The following FERMT2 variants were observed in gnomAD, a reference collection of about 807,000 sequenced individuals.
FERMT2 encodes FERM domain containing kindlin 2, also known as fermitin family homolog 2.
Under a neutral mutation model 82.7 loss-of-function variants are expected in FERMT2, and 15 were observed. The ratio of observed to expected loss-of-function variants is 0.18; its 90% CI spans 0.12 to 0.28. FERMT2 has a LOEUF of 0.28. FERMT2 is among the 10% of genes least tolerant of loss of function. The pLI is 1.00. For synonymous variants in FERMT2, 274 were observed against 271.5 expected (o/e 1.01, Z -0.09); for missense variants, 645 against 809.4 (o/e 0.80, Z 2.46).
chr14:52,868,959 G>A (rs949749732), intron 10 of FERMT2, among the ~76,000 whole-genome samples: 1 of 152,132 alleles, frequency 6.6e-6, no homozygotes, highest in East Asian at 1.9e-4. Flanking sequence ...TGGGAGCAGT[G>A]GGATGAAAAC....
intron 3 of FERMT2, among the ~76,000 whole-genome samples, chr14:52,913,963 A>T (rs760203756): frequency 6.6e-6 from 1 of 152,102 alleles, no homozygotes; most frequent in Non-Finnish European, 1.5e-5. Context: ...CAAGAACCAC[A>T]TAGGTAGGTT....
intron 12 of FERMT2, chr14:52,861,664 T>C (rs1202207669): frequency 6.6e-6 from 1 of 152,666 alleles, no homozygotes; most frequent in Non-Finnish European, 1.5e-5. Context: ...TTCGGCTTTA[T>C]GGCATTAGTC....
At chr14:52,873,909 T>C (rs977543367) in intron 9 of FERMT2, among the ~76,000 whole-genome samples, 2 of 149,026 alleles carry the variant, frequency 1.3e-5, no homozygotes, top group Admixed American at 1.3e-4. Flanking sequence ...TGTATTACTA[T>C]GTTTCAGCAT....
chr14:52,911,463 A>G (rs2139612961), intron 3 of FERMT2, among the ~76,000 whole-genome samples: 1 of 152,094 alleles, frequency 6.6e-6, no homozygotes, highest in African/African-American at 2.4e-5. Context: ...CATCCTGGCT[A>G]ACATGGTGAA....
At chr14:52,892,059 A>AT (rs1317102989) in intron 4 of FERMT2, among the ~76,000 whole-genome samples, 1 of 152,192 alleles carries the variant, frequency 6.6e-6, no homozygotes, top group East Asian at 1.9e-4. Context: ...TGGAAAAGTA[A>AT]TGAAAGGGAA....
At chr14:52,886,553 T>C (rs144910631) in intron 4 of FERMT2, among the ~76,000 whole-genome samples, 10 of 152,292 alleles carry the variant, frequency 6.6e-5, no homozygotes, top group African/African-American at 2.4e-4. Context: ...CAGGTAAATA[T>C]ACTTTTTCTA....
intron 5 of FERMT2, 46 bp downstream of exon 5, chr14:52,881,198 C>A: frequency 6.3e-7 from 1 of 1,597,016 alleles, no homozygotes; most frequent in Non-Finnish European, 8.6e-7. Flanking sequence ...ATTTCTACCT[C>A]TAGCTGGATG....
At chr14:52,866,888 G>A (rs1169480732) in intron 10 of FERMT2, among the ~76,000 whole-genome samples, 1 of 151,996 alleles carries the variant, frequency 6.6e-6, no homozygotes, top group Non-Finnish European at 1.5e-5. Context: ...CTATCCAAGT[G>A]GGCTGAGTTC....
chr14:52,900,089 T>C (rs1887531848), intron 3 of FERMT2, among the ~76,000 whole-genome samples: 1 of 152,054 alleles, frequency 6.6e-6, no homozygotes, highest in African/African-American at 2.4e-5. Flanking sequence ...TAACAGAATA[T>C]ATAGCAATGT....
chr14:52,860,311 G>A, intron 13 of FERMT2, 30 bp downstream of exon 13: 4 of 1,608,862 alleles, frequency 2.5e-6, no homozygotes, highest in Middle Eastern at 1.7e-4. Context: ...GCAGATTAAG[G>A]TTTACACATA....
At chr14:52,859,854 G>C (rs1308493422) in intron 13 of FERMT2, 140 bp from the exon 14 acceptor site, 3 of 460,846 alleles carry the variant, frequency 6.5e-6, no homozygotes, top group Admixed American at 8.7e-5. Flanking sequence ...GTCTTGCTCT[G>C]TTGCCCAGGC....
At chr14:52,889,296 A>T (rs1324778429) in intron 4 of FERMT2, among the ~76,000 whole-genome samples, 1 of 152,214 alleles carries the variant, frequency 6.6e-6, no homozygotes, top group Non-Finnish European at 1.5e-5. Context: ...AGGATCTCTT[A>T]CAAATAAAGA....
At position 52,943,213 on chromosome 14, in the gene FERMT2, G is replaced by A. The variant is rs566645858; in HGVS notation, c.157+7199C>T. 5.5e-3 allele frequency among the ~76,000 whole-genome samples: 649 copies of A among 118,874 alleles called. 86 individuals are homozygous for A. Among genetic ancestry groups the A allele is most frequent in the Middle Eastern group, 8.8e-3 (2 of 226 alleles). 78.0% of individuals were successfully genotyped at this position (118,874 alleles called of 152,430 possible). A position where few individuals can be genotyped will look rare whatever the true frequency, so the allele number is the denominator to read the frequency against. On this transcript the variant is annotated intron_variant, in intron 2 of 14. Coordinates refer to ENST00000341590, the MANE Select transcript of FERMT2 (RefSeq NM_006832.3). Reference sequence around the variant, plus strand: ...ACAAGAGCAAAACTCTGTCTCAAAAGAAAAAAAAATCACTCTGAAGTGAAA... The same window carrying A: ...ACAAGAGCAAAACTCTGTCTCAAAAAAAAAAAAAATCACTCTGAAGTGAAA...
At chr14:52,902,124 G>A (rs1253556323) in intron 3 of FERMT2, among the ~76,000 whole-genome samples, 4 of 152,236 alleles carry the variant, frequency 2.6e-5, no homozygotes, top group Admixed American at 6.5e-5. Context: ...CGGGCACGGT[G>A]GCTTACGCCT....
intron 4 of FERMT2, among the ~76,000 whole-genome samples, chr14:52,890,027 G>T (rs1349812444): frequency 6.6e-6 from 1 of 151,548 alleles, no homozygotes; most frequent in Non-Finnish European, 1.5e-5. Flanking sequence ...TACTCAGGAG[G>T]CCGAGGCAGG....
At chr14:52,950,361 C>G (rs1374471285) in intron 2 of FERMT2, 51 bp downstream of exon 2, 2 of 1,585,596 alleles carry the variant, frequency 1.3e-6, no homozygotes, top group African/African-American at 1.3e-5. Context: ...CTTTCCTCCC[C>G]CTACCAATTC....
chr14:52,865,782 T>C lies in FERMT2; in HGVS notation c.1274-929A>G, dbSNP rs145947442. Among the ~76,000 whole-genome samples the C allele has an allele frequency of 9.9e-5, 15 of 152,266 alleles. No individual in the cohort carries two copies. The East Asian group carries it at 2.7e-3, about 27-fold the overall frequency. ...ATATTCAGAAGAACAAATGTTAAAA[T>C]TGTCATTTTCCCTGTCTACATAAAT... On this transcript the variant is annotated intron_variant, in intron 10 of 14. Transcript: ENST00000341590.
At chr14:52,890,119 C>CAAAA (rs772600306) in intron 4 of FERMT2, among the ~76,000 whole-genome samples, 1 of 106,042 alleles carries the variant, frequency 9.4e-6, no homozygotes, top group East Asian at 2.8e-4. Context: ...GACTGTGTCT[C>CAAAA]AAAAAAAAAA....
chr14:52,867,903 A>C (rs1594930409), intron 10 of FERMT2, among the ~76,000 whole-genome samples: 1 of 152,266 alleles, frequency 6.6e-6, no homozygotes, highest in African/African-American at 2.4e-5. Context: ...CTCAGTATCT[A>C]TTCAATCTGC....
Sources: allele counts gnomAD v4.1 joint callset (sites outside exome capture counted in the v4.1 genomes callset), GRCh38; gene constraint gnomAD v4.1.1; transcripts MANE v1.5; gene names NCBI Gene and HGNC (gene_info 2026-07-23, HGNC 2026-07-21).